DST: variants seen among roughly 807,000 people sequenced by gnomAD.
DST encodes bullous pemphigoid antigen.
A neutral mutation model predicts 875.2 loss-of-function variants in DST; 253 were observed. That is an observed-to-expected ratio of 0.29 (90% confidence interval 0.26 to 0.32). DST has a LOEUF of 0.32. Ranked by LOEUF, DST falls within the 10% of genes least tolerant of loss-of-function variation. DST has a pLI of 1.00. For missense variants in DST, 8,287 were observed against 9,111.6 expected (o/e 0.91, Z 3.68); for synonymous variants, 3,124 against 3,197.1 (o/e 0.98, Z 0.77).
intron 4 of DST, among the ~76,000 whole-genome samples, chr6:56,806,933 T>C (rs1434047776): frequency 6.6e-6 from 1 of 152,192 alleles, no homozygotes; most frequent in Non-Finnish European, 1.5e-5. Flanking sequence ...TATGAGTCTA[T>C]ATAATATACC....
At chr6:56,899,299 C>G (rs1792890716) in intron 3 of DST, among the ~76,000 whole-genome samples, 1 of 152,186 alleles carries the variant, frequency 6.6e-6, no homozygotes, top group Non-Finnish European at 1.5e-5. Flanking sequence ...CCAAATTCTA[C>G]TTAGCCTTTG....
At chr6:56,544,226 C>T (rs1338926177) in intron 61 of DST, among the ~76,000 whole-genome samples, 3 of 152,168 alleles carry the variant, frequency 2.0e-5, no homozygotes, top group African/African-American at 7.2e-5. Flanking sequence ...CTCCCAGCTG[C>T]CGCTCTCTTG....
intron 9 of DST, among the ~76,000 whole-genome samples, chr6:56,685,706 C>T (rs972831636): frequency 8.6e-5 from 13 of 151,902 alleles, no homozygotes; most frequent in African/African-American, 2.9e-4. Flanking sequence ...GCAGAGATCA[C>T]GCCACTGAAT....
At chr6:56,808,965 C>A (rs1026770126) in intron 4 of DST, among the ~76,000 whole-genome samples, 1 of 152,174 alleles carries the variant, frequency 6.6e-6, no homozygotes, top group African/African-American at 2.4e-5. Context: ...GTGAATCCCA[C>A]AGTGCGGTGC....
At chr6:56,939,426 A>G (rs1815109784) in intron 2 of DST, among the ~76,000 whole-genome samples, 1 of 152,198 alleles carries the variant, frequency 6.6e-6, no homozygotes, top group Non-Finnish European at 1.5e-5. Context: ...TCTTGGTATG[A>G]GAGTAGTTCT....
At chr6:56,705,732 A>G (rs934259651) in intron 5 of DST, among the ~76,000 whole-genome samples, 10 of 152,244 alleles carry the variant, frequency 6.6e-5, no homozygotes, top group African/African-American at 2.4e-4. Flanking sequence ...GGCATAATTA[A>G]CTACAAATAA....
intron 63 of DST, among the ~76,000 whole-genome samples, chr6:56,534,261 T>C (rs760947025): frequency 6.6e-6 from 1 of 152,202 alleles, no homozygotes; most frequent in Non-Finnish European, 1.5e-5. Context: ...ATTAACATAA[T>C]CCATCCTCTT....
chr6:56,641,846 A>G, intron 17 of DST, 101 bp downstream of exon 17: 1 of 955,692 alleles, frequency 1.0e-6, no homozygotes, highest in Non-Finnish European at 1.5e-6. Context: ...ACAGCAAAGA[A>G]ATATATTTCA....
chr6:56,467,272 G>A (rs949206129), intron 98 of DST: 8 of 151,880 alleles, frequency 5.3e-5, no homozygotes, highest in African/African-American at 1.9e-4. Context: ...ACTCTAGGTA[G>A]AAAAAAATCT....
chr6:56,694,746 G>C (rs35408048), intron 9 of DST, among the ~76,000 whole-genome samples: 2 of 152,072 alleles, frequency 1.3e-5, no homozygotes, highest in Non-Finnish European at 2.9e-5. Flanking sequence ...GATGGGCCTA[G>C]TGGGGGGTGT....
At chr6:56,481,905 C>T in intron 90 of DST, 145 bp downstream of exon 90, 1 of 866,036 alleles carries the variant, frequency 1.2e-6, no homozygotes, top group South Asian at 1.7e-5. Flanking sequence ...GCAATGTGGA[C>T]AGAAGTACAC....
rs868108240 is a variant in DST at position 56,720,139 on chromosome 6, C to T, written c.687+15089G>A. Among the ~76,000 whole-genome samples the T allele has an allele frequency of 1.2e-4, 18 of 152,234 alleles. No individual in the cohort carries two copies. The East Asian group carries it at 1.4e-3, about 11-fold the overall frequency. On this transcript the variant is annotated intron_variant, in intron 5 of 103. Coordinates refer to ENST00000680361, the MANE Select transcript of DST (RefSeq NM_001374736.1). The stretch of plus-strand genomic sequence containing the variant: ...TCCCTACAGTTTCGACCATAGAAGA[C>T]GGCCACACCCAAGGGAGCCATTTTA...
At chr6:56,474,088 G>A (rs2152403617) in intron 92 of DST, 86 bp from the exon 93 acceptor site, 1 of 1,143,360 alleles carries the variant, frequency 8.7e-7, no homozygotes, top group Middle Eastern at 2.1e-4. Context: ...AAGGATAAAA[G>A]AACCATGTTA....
intron 8 of DST, among the ~76,000 whole-genome samples, chr6:56,700,125 A>G (rs2099290163): frequency 6.6e-6 from 1 of 152,166 alleles, no homozygotes; most frequent in Admixed American, 6.5e-5. Context: ...TGTGAACCCT[A>G]TTTGTGAACT....
At chr6:56,805,930 T>C (rs1289690226) in intron 4 of DST, among the ~76,000 whole-genome samples, 2 of 152,190 alleles carry the variant, frequency 1.3e-5, no homozygotes, top group Non-Finnish European at 2.9e-5. Flanking sequence ...AATGTAGACA[T>C]CACATAGACA....
At chr6:56,918,305 T>G (rs1447935331) in intron 2 of DST, among the ~76,000 whole-genome samples, 1 of 152,044 alleles carries the variant, frequency 6.6e-6, no homozygotes, top group African/African-American at 2.4e-5. Context: ...TTTTGTATTT[T>G]TAGTAGAGAC....
At chr6:56,526,911 A>AT (rs2096811005) in intron 68 of DST, among the ~76,000 whole-genome samples, 1 of 152,338 alleles carries the variant, frequency 6.6e-6, no homozygotes, top group South Asian at 2.1e-4. Flanking sequence ...AGGTAACAGA[A>AT]AAGTAAAATG....
chr6:56,472,271 A>C (rs764656463), intron 93 of DST, 49 bp from the exon 94 acceptor site: 5 of 1,582,368 alleles, frequency 3.2e-6, no homozygotes, highest in Non-Finnish European at 4.3e-6. Context: ...GGGTGCTGAA[A>C]TGTGTTAAGG....
In DST at chr6:56,753,388, C is replaced by T. The variant is rs141308677; in HGVS notation, c.626-18099G>A. 5.7e-3 allele frequency among the ~76,000 whole-genome samples: 873 copies of T among 152,266 alleles called. 7 individuals carry two copies. Among genetic ancestry groups the T allele is most frequent in the African/African-American group, 0.019 (809 of 41,536 alleles). The stretch of plus-strand genomic sequence containing the variant: ...AGCACCAACTTCAAAGGCAGAAATA[C>T]CAGACCTCAAATCCCCACTCTGCTA... On this transcript the variant is annotated intron_variant, in intron 4 of 103. Transcript: ENST00000680361.
Sources: allele counts gnomAD v4.1 joint callset (sites outside exome capture counted in the v4.1 genomes callset), GRCh38; gene constraint gnomAD v4.1.1; transcripts MANE v1.5; gene names NCBI Gene and HGNC (gene_info 2026-07-23, HGNC 2026-07-21).